Variants in BRCA1 observed in about 807,000 individuals in gnomAD.
BRCA1 encodes BRCA1 DNA repair associated.
BRCA1 carries 140 observed loss-of-function variants against 173.7 expected under a neutral mutation model. The ratio of observed to expected loss-of-function variants is 0.81; its 90% CI spans 0.70 to 0.93. The LOEUF is 0.93. Ranked by LOEUF, BRCA1 falls within the 40% of genes least tolerant of loss-of-function variation. The probability of loss-of-function intolerance (pLI) is 0.00; values close to 1 mark genes in which losing one functional copy is unlikely to be tolerated. For synonymous variants in BRCA1, 662 were observed against 756.0 expected (o/e 0.88, Z 2.04); for missense variants, 1,983 against 2,172.5 (o/e 0.91, Z 1.73).
chr17:43,136,981 C>A (rs570224734), intron 1 of BRCA1, among the ~76,000 whole-genome samples: 181 of 152,174 alleles, frequency 1.2e-3, no homozygotes, highest in Non-Finnish European at 2.0e-3. Flanking sequence ...CAAATGCACA[C>A]GTATGTTCAT....
chr17:43,056,023 A>G (rs2051440839), intron 19 of BRCA1, among the ~76,000 whole-genome samples: 1 of 152,180 alleles, frequency 6.6e-6, no homozygotes, highest in Admixed American at 6.5e-5. Context: ...TACCTGTGTG[A>G]CTTTGAGCAA....
chr17:43,121,479 G>T (rs1250374198), intron 2 of BRCA1, among the ~76,000 whole-genome samples: 1 of 152,142 alleles, frequency 6.6e-6, no homozygotes, highest in Non-Finnish European at 1.5e-5. Context: ...GAGGTCAGGA[G>T]TTCGAGACCA....
chr17:43,133,065 C>A (rs1240357292), intron 1 of BRCA1: 2 of 152,248 alleles, frequency 1.3e-5, no homozygotes, highest in Non-Finnish European at 2.9e-5. Flanking sequence ...AGCCACCGCA[C>A]CTGGTCGATT....
At chr17:43,104,406 C>A in intron 5 of BRCA1, 145 bp from the exon 6 acceptor site, 2 of 968,758 alleles carry the variant, frequency 2.1e-6, no homozygotes, top group East Asian at 2.7e-5. Flanking sequence ...TTTTAAAAAT[C>A]AAATTTTAAA....
Position 43,091,042 on chromosome 17 carries a change from C to A in BRCA1, c.4097-10G>T. On this transcript the variant is annotated splice_polypyrimidine_tract_variant and intron_variant, in intron 10 of 22. Coordinates refer to ENST00000357654, the MANE Select transcript of BRCA1 (RefSeq NM_007294.4). ...CCAGATGCTGCTTCACCTTAAATAA[C>A]AAAAACAGAGGTTCAGATGTAAAAG... The A allele has an allele frequency of 6.2e-7, 1 of 1,609,102 alleles. No homozygotes were observed. Among genetic ancestry groups the A allele is most frequent in the Non-Finnish European group, 8.5e-7 (1 of 1,177,440 alleles).
intron 1 of BRCA1, among the ~76,000 whole-genome samples, chr17:43,149,248 G>A (rs1207882331): frequency 6.7e-5 from 10 of 149,030 alleles, no homozygotes; most frequent in Admixed American, 2.0e-4. Flanking sequence ...ACAGGTGCCC[G>A]CCACCACACC....
rs1385360559 is a variant in BRCA1 at position 43,091,026 on chromosome 17, G to C, written c.4103C>G (p.Ala1368Gly). Residue 1368 changes from alanine (A) to glycine (G), a missense_variant, in exon 11 of 23, where the codon GCA becomes GGA. Coordinates refer to ENST00000357654, the MANE Select transcript of BRCA1 (RefSeq NM_007294.4). ...TGTTTCACTCTCACACCCAGATGCT[G>C]CTTCACCTTAAATAACAAAAACAGA... ...EQSMDSNLGE[A>G]ASGCESETSV... The C allele has an allele frequency of 6.2e-7, 1 of 1,611,966 alleles. No individual in the cohort carries two copies. The highest frequency in any genetic ancestry group is 8.5e-7 in the Non-Finnish European group (1 of 1,179,132).
intron 16 of BRCA1, among the ~76,000 whole-genome samples, chr17:43,064,665 C>T (rs2051976237): frequency 6.6e-6 from 1 of 152,166 alleles, no homozygotes. Flanking sequence ...AGCAGCCATG[C>T]TCCCTCACAG....
At chr17:43,137,128 G>T (rs1263455359) in intron 1 of BRCA1, among the ~76,000 whole-genome samples, 5 of 152,014 alleles carry the variant, frequency 3.3e-5, no homozygotes, top group African/African-American at 9.7e-5. Context: ...CATGTCCTTT[G>T]TAGGGACATG....
chr17:43,137,129 T>C (rs1203480957), intron 1 of BRCA1, among the ~76,000 whole-genome samples: 1 of 151,922 alleles, frequency 6.6e-6, no homozygotes, highest in Non-Finnish European at 1.5e-5. Context: ...ATGTCCTTTG[T>C]AGGGACATGG....
upstream of BRCA1, among the ~76,000 whole-genome samples, chr17:43,126,746 A>G (rs1384223597): frequency 5.3e-5 from 8 of 152,198 alleles, no homozygotes; most frequent in African/African-American, 1.9e-4. Flanking sequence ...GCCGTGCTGG[A>G]GGAGCCCTTC....
At chr17:43,059,425 C>T (rs930440970) in intron 18 of BRCA1, among the ~76,000 whole-genome samples, 13 of 151,994 alleles carry the variant, frequency 8.6e-5, no homozygotes, top group East Asian at 3.9e-4. Context: ...ATCGTGCTAC[C>T]GCACTCCATG....
chr17:43,151,712 A>G (rs2056163010), intron 1 of BRCA1, among the ~76,000 whole-genome samples: 1 of 152,142 alleles, frequency 6.6e-6, no homozygotes, highest in African/African-American at 2.4e-5. Context: ...CAACATAGGG[A>G]GACCCCATCT....
At chr17:43,100,646 C>G (rs1277575932) in intron 6 of BRCA1, among the ~76,000 whole-genome samples, 3 of 42,058 alleles carry the variant, frequency 7.1e-5, no homozygotes, top group African/African-American at 9.2e-5. Context: ...ATATATATAA[C>G]ATATATATAA....
chr17:43,159,711 G>C (rs1442484843), intron 1 of BRCA1: 1 of 187,778 alleles, frequency 5.3e-6, no homozygotes, highest in Non-Finnish European at 1.1e-5. Flanking sequence ...ACTGCGGAAG[G>C]CCGCAGGGTC....
chr17:43,109,259 C>T (rs1306067665), intron 3 of BRCA1, among the ~76,000 whole-genome samples: 3 of 151,988 alleles, frequency 2.0e-5, no homozygotes, highest in African/African-American at 7.3e-5. Context: ...GGCATCCCAA[C>T]GTGCTGGGAT....
At chr17:43,058,064 G>T (rs991566531) in intron 18 of BRCA1, among the ~76,000 whole-genome samples, 3 of 143,856 alleles carry the variant, frequency 2.1e-5, no homozygotes, top group Non-Finnish European at 4.5e-5. Flanking sequence ...ATTCAGAATT[G>T]CCAGGCAGGC....
chr17:43,153,354 C>A (rs1597942736), intron 1 of BRCA1, among the ~76,000 whole-genome samples: 2 of 152,190 alleles, frequency 1.3e-5, no homozygotes, highest in African/African-American at 4.8e-5. Context: ...GGCTAGTGAG[C>A]CTTATCTCTC....
chr17:43,117,210 G>C (rs550582771), intron 2 of BRCA1, among the ~76,000 whole-genome samples: 1 of 152,328 alleles, frequency 6.6e-6, no homozygotes, highest in South Asian at 2.1e-4. Context: ...GGGAGGCTGA[G>C]GTGGGTGGAT....
Sources: allele counts gnomAD v4.1 joint callset (sites outside exome capture counted in the v4.1 genomes callset), GRCh38; gene constraint gnomAD v4.1.1; transcripts MANE v1.5; gene names NCBI Gene and HGNC (gene_info 2026-07-23, HGNC 2026-07-21).